Variants in PCDHA1 observed in about 807,000 individuals in gnomAD.
PCDHA1 encodes protocadherin alpha 1, also known as protocadherin alpha-1.
In PCDHA1, 42 loss-of-function variants were observed where a neutral mutation model predicts 61.3. The ratio of observed to expected loss-of-function variants is 0.69; its 90% CI spans 0.54 to 0.89. The LOEUF is 0.89. Ranked by LOEUF, PCDHA1 falls within the 40% of genes least tolerant of loss-of-function variation. The pLI is 0.00. For synonymous variants in PCDHA1, 610 were observed against 553.8 expected (o/e 1.10, Z -1.43); for missense variants, 1,256 against 1,235.3 (o/e 1.02, Z -0.25).
rs1554117717 is a variant in PCDHA1, at chr5:140,787,162, A to G, written c.872A>G (p.Glu291Gly). 1.2e-6 allele frequency: 2 copies of G among 1,613,752 alleles called. No homozygotes were observed. Among genetic ancestry groups the G allele is most frequent in the Non-Finnish European group, 1.7e-6 (2 of 1,179,942 alleles). The change falls in exon 1 of 4, where the codon GAA becomes GGA. Residue 291 changes from glutamate to glycine, a missense_variant. Physicochemically the swap from Glu to Gly is moderately conservative, Grantham distance 98. Coordinates refer to ENST00000504120, the MANE Select transcript of PCDHA1 (RefSeq NM_018900.4). The stretch of plus-strand genomic sequence containing the variant: ...AGTGGTATTTCTCGTGACATTCAAG[A>G]AAAATTCAAAGTTGATTCCAGCTCA... ...FDSGISRDIQ[E>G]KFKVDSSSGE...
intron 1 of PCDHA1, among the ~76,000 whole-genome samples, chr5:140,905,837 G>A (rs1433117944): frequency 1.3e-5 from 2 of 152,148 alleles, no homozygotes; most frequent in African/African-American, 2.4e-5. Context: ...ATAAAGGGGA[G>A]TTTATTAAGG....
chr5:140,877,331 T>A (rs2057038565), intron 1 of PCDHA1: 15 of 1,613,962 alleles, frequency 9.3e-6, no homozygotes, highest in Non-Finnish European at 1.3e-5. Context: ...GGCGCGCACA[T>A]CCCGTTCCAC....
chr5:140,857,412 C>T lies in PCDHA1; in HGVS notation c.2394+68728C>T, dbSNP rs782751627. On this transcript the variant is annotated intron_variant, in intron 1 of 3. Transcript: ENST00000504120. ...GTGAACGACAACGCGCCTGCGTTCGCGCAGTCCGAGTACACGGTGTTCGTG... is the reference window on the plus strand; with the variant it reads ...GTGAACGACAACGCGCCTGCGTTCGTGCAGTCCGAGTACACGGTGTTCGTG... 19 of 1,598,336 alleles carry T rather than the reference C, an allele frequency of 1.2e-5. 1 individual carries two copies. Among genetic ancestry groups the T allele is most frequent in the Non-Finnish European group, 1.4e-5 (16 of 1,167,836 alleles).
At chr5:140,952,161 G>A (rs1002170545) in intron 1 of PCDHA1, among the ~76,000 whole-genome samples, 1 of 152,046 alleles carries the variant, frequency 6.6e-6, no homozygotes, top group Non-Finnish European at 1.5e-5. Flanking sequence ...GCTTTGTGGG[G>A]TTCAGTTCCT....
chr5:140,965,259 A>G (rs1257686866), intron 1 of PCDHA1, among the ~76,000 whole-genome samples: 1 of 152,218 alleles, frequency 6.6e-6, no homozygotes, highest in African/African-American at 2.4e-5. Context: ...AGAACTGAGC[A>G]GCAGAGGCAA....
At chr5:140,897,187 TA>T (rs1554187233) in intron 1 of PCDHA1, among the ~76,000 whole-genome samples, 7 of 152,166 alleles carry the variant, frequency 4.6e-5, no homozygotes, top group Non-Finnish European at 1.0e-4. Context: ...TCAAAAAATA[TA>T]TTTTTTTATT....
intron 1 of PCDHA1, chr5:140,801,363 C>A: frequency 1.9e-6 from 3 of 1,613,452 alleles, no homozygotes; most frequent in Non-Finnish European, 2.5e-6. Flanking sequence ...GGGGCTGGAG[C>A]TGGCGGAGCT....
At chr5:140,927,889 G>T (rs1554205185) in intron 1 of PCDHA1, 1 of 1,614,226 alleles carries the variant, frequency 6.2e-7, no homozygotes, top group Non-Finnish European at 8.5e-7. Context: ...GGTGACTGAC[G>T]TGAACGATCA....
At chr5:140,833,383 A>G in intron 1 of PCDHA1, among the ~76,000 whole-genome samples, 1 of 152,336 alleles carries the variant, frequency 6.6e-6, no homozygotes, top group African/African-American at 2.4e-5. Context: ...AAAAAGGATG[A>G]AATACCTCAA....
At chr5:140,947,451 A>G (rs2094135983) in intron 1 of PCDHA1, among the ~76,000 whole-genome samples, 1 of 151,658 alleles carries the variant, frequency 6.6e-6, no homozygotes, top group Non-Finnish European at 1.5e-5. Context: ...GAAATCCTCC[A>G]ACCTTGTTCT....
At chr5:140,888,488 C>T (rs1257053839) in intron 1 of PCDHA1, among the ~76,000 whole-genome samples, 2 of 152,204 alleles carry the variant, frequency 1.3e-5, no homozygotes, top group African/African-American at 2.4e-5. Context: ...TGTTGAGAAA[C>T]TCTGCTTTAA....
intron 1 of PCDHA1, among the ~76,000 whole-genome samples, chr5:140,806,007 C>G (rs1763665363): frequency 6.6e-6 from 1 of 152,136 alleles, no homozygotes; most frequent in Admixed American, 6.5e-5. Context: ...GACACACATA[C>G]TCAAATGCTT....
chr5:140,906,593 T>C (rs2072768257), intron 1 of PCDHA1, among the ~76,000 whole-genome samples: 1 of 152,242 alleles, frequency 6.6e-6, no homozygotes, highest in Admixed American at 6.5e-5. Flanking sequence ...TACCTTCCTC[T>C]ACTACTCATT....
intron 1 of PCDHA1, chr5:140,843,642 C>G (rs1352929745): frequency 1.9e-6 from 3 of 1,595,362 alleles, no homozygotes; most frequent in Non-Finnish European, 2.6e-6. Context: ...GCCTTCAGCC[C>G]CTGCCTTCCT....
At chr5:140,852,732 A>G (rs2042454290) in intron 1 of PCDHA1, 4 of 983,854 alleles carry the variant, frequency 4.1e-6, no homozygotes, top group Non-Finnish European at 3.7e-6. Flanking sequence ...TTCAAGTTTC[A>G]TGTGCCATTT....
intron 1 of PCDHA1, chr5:140,877,982 T>C (rs1320294784): frequency 1.6e-6 from 2 of 1,221,162 alleles, no homozygotes; most frequent in African/African-American, 3.1e-5. Context: ...CTTACTCATT[T>C]TGAACTTTTA....
At position 140,990,371 on chromosome 5, in the gene PCDHA1, A is replaced by G. The variant is rs570757505; in HGVS notation, c.2542+7808A>G. Reference sequence around the variant, plus strand: ...CCTGTACAGAAAATCTAATAAAGCAAATTTGTTGGTGATGTTCCAAGAAGG... The same window carrying G: ...CCTGTACAGAAAATCTAATAAAGCAGATTTGTTGGTGATGTTCCAAGAAGG... On this transcript the variant is annotated intron_variant, in intron 3 of 3. Coordinates refer to ENST00000504120, the MANE Select transcript of PCDHA1 (RefSeq NM_018900.4). 7.2e-5 allele frequency among the ~76,000 whole-genome samples: 11 copies of G among 152,154 alleles called. No homozygotes were observed. The East Asian group carries it at 1.9e-3, about 27-fold the overall frequency.
intron 1 of PCDHA1, chr5:140,829,111 T>G: frequency 6.2e-7 from 1 of 1,612,018 alleles, no homozygotes; most frequent in Non-Finnish European, 8.5e-7. Flanking sequence ...TAGTGAGAAT[T>G]TTGGATAAAA....
rs1554181482 is a variant in PCDHA1, at chr5:140,884,371, C to G, written c.2395-94578C>G. The stretch of plus-strand genomic sequence containing the variant: ...TGGTGGATGTCAATGTTTACTTGAT[C>G]ATTGCCATCTGCGCGGTGTCCAGCC... On this transcript the variant is annotated intron_variant, in intron 1 of 3. Coordinates refer to ENST00000504120, the MANE Select transcript of PCDHA1 (RefSeq NM_018900.4). 2 of 1,613,948 alleles carry G rather than the reference C, an allele frequency of 1.2e-6. No homozygotes were observed. Among genetic ancestry groups the G allele is most frequent in the African/African-American group, 2.7e-5 (2 of 75,052 alleles).
Sources: gnomAD v4.1 joint callset for allele counts (sites outside exome capture counted in the v4.1 genomes callset) on GRCh38, gnomAD v4.1.1 for gene constraint, MANE v1.5 for transcripts, NCBI Gene and HGNC (gene_info 2026-07-23, HGNC 2026-07-21) for gene names.